PTPRG: variants seen among roughly 807,000 people sequenced by gnomAD.
PTPRG encodes receptor-type tyrosine-protein phosphatase gamma.
A neutral mutation model predicts 165.3 loss-of-function variants in PTPRG; 102 were observed. The ratio of observed to expected loss-of-function variants is 0.62; its 90% CI spans 0.53 to 0.73. PTPRG has a LOEUF of 0.73. Among genes scored for constraint, PTPRG ranks in the 30% least tolerant of loss-of-function variants. PTPRG has a pLI of 0.00. For synonymous variants in PTPRG, 675 were observed against 669.5 expected (o/e 1.01, Z -0.13); for missense variants, 1,866 against 1,861.4 (o/e 1.00, Z -0.05).
At chr3:62,231,953 T>G (rs1307943029) in intron 14 of PTPRG, among the ~76,000 whole-genome samples, 1 of 152,192 alleles carries the variant, frequency 6.6e-6, no homozygotes, top group African/African-American at 2.4e-5. Context: ...TCACCACACT[T>G]GAGTCTCTTG....
At chr3:61,610,567 A>T (rs556387450) in intron 1 of PTPRG, among the ~76,000 whole-genome samples, 1 of 152,242 alleles carries the variant, frequency 6.6e-6, no homozygotes, top group African/African-American at 2.4e-5. Flanking sequence ...ATTTGGCTGT[A>T]CTTAGGGTGA....
intron 11 of PTPRG, 48 bp downstream of exon 11, chr3:62,201,602 G>T (rs1198006920): frequency 6.3e-7 from 1 of 1,586,974 alleles, no homozygotes; most frequent in African/African-American, 1.3e-5. Flanking sequence ...TTGTTAATTT[G>T]CTTGCAGTTA....
At chr3:62,010,498 A>G (rs72624884) in intron 4 of PTPRG, among the ~76,000 whole-genome samples, 21,964 of 151,930 alleles carry the variant, frequency 0.14, 2,443 homozygotes, top group East Asian at 0.55. Flanking sequence ...CTGTTCAAAT[A>G]CATTGTTGTT....
intron 4 of PTPRG, among the ~76,000 whole-genome samples, chr3:62,069,161 G>A (rs371122352): frequency 6.6e-6 from 1 of 152,074 alleles, no homozygotes; most frequent in African/African-American, 2.4e-5. Flanking sequence ...CATATTGTAA[G>A]AGAAAAATGA....
At chr3:61,841,556 G>A (rs2036632907) in intron 2 of PTPRG, among the ~76,000 whole-genome samples, 1 of 152,182 alleles carries the variant, frequency 6.6e-6, no homozygotes, top group African/African-American at 2.4e-5. Flanking sequence ...CAAACAAGAT[G>A]TGATTAAACT....
chr3:61,779,978 G>A (rs2034498518), intron 2 of PTPRG, among the ~76,000 whole-genome samples: 1 of 152,038 alleles, frequency 6.6e-6, no homozygotes, highest in Admixed American at 6.6e-5. Context: ...ATTGTTTCCT[G>A]GGTCACCTCC....
intron 1 of PTPRG, among the ~76,000 whole-genome samples, chr3:61,585,271 AC>A (rs1469514683): frequency 7.1e-6 from 1 of 139,934 alleles, no homozygotes; most frequent in Non-Finnish European, 1.5e-5. Flanking sequence ...ACAGAGGGAG[AC>A]CCTGTCTCAA....
chr3:61,604,801 CA>C (rs565976761), intron 1 of PTPRG, among the ~76,000 whole-genome samples: 360 of 152,134 alleles, frequency 2.4e-3, no homozygotes, highest in African/African-American at 7.8e-3. Flanking sequence ...TTCATTGTGG[CA>C]AAGTAGGAGA....
At position 62,294,387 on chromosome 3, in the gene PTPRG, G is replaced by A. The variant is rs1305527152; in HGVS notation, c.*1080G>A. ...TACTTAAGATTAAATTGGAAATACT[G>A]TCTTAGCAAAAGTCTTGGGACTATC... On this transcript the variant is annotated 3_prime_UTR_variant, in exon 30 of 30. Transcript: ENST00000474889. The A allele has an allele frequency of 6.6e-6, 1 of 152,072 alleles. No homozygotes were observed. Among genetic ancestry groups the A allele is most frequent in the Non-Finnish European group, 1.5e-5 (1 of 67,996 alleles). The allele number at this position is 152,072 out of a possible 1,614,324, so 9.4% of individuals were successfully genotyped here.
chr3:62,114,693 G>A (rs1702797251), intron 5 of PTPRG, among the ~76,000 whole-genome samples: 2 of 152,112 alleles, frequency 1.3e-5, no homozygotes, highest in African/African-American at 2.4e-5. Context: ...TCTGAGGCTA[G>A]AGTGCATTTA....
At chr3:61,580,110 T>C (rs1700253745) in intron 1 of PTPRG, among the ~76,000 whole-genome samples, 1 of 152,156 alleles carries the variant, frequency 6.6e-6, no homozygotes, top group East Asian at 1.9e-4. Context: ...GTAAGGCTTG[T>C]GGTCAACAGT....
chr3:61,693,402 A>T (rs1471171342), intron 1 of PTPRG, among the ~76,000 whole-genome samples: 2 of 152,152 alleles, frequency 1.3e-5, no homozygotes, highest in African/African-American at 4.8e-5. Context: ...CTGAACTCTC[A>T]TGGTTAAATG....
At chr3:62,047,094 C>A (rs1421688816) in intron 4 of PTPRG, among the ~76,000 whole-genome samples, 1 of 152,152 alleles carries the variant, frequency 6.6e-6, no homozygotes, top group African/African-American at 2.4e-5. Context: ...TTGCAAGCTT[C>A]ATTTCAAATT....
chr3:62,247,359 A>C (rs1021039979), intron 15 of PTPRG, among the ~76,000 whole-genome samples: 1 of 152,100 alleles, frequency 6.6e-6, no homozygotes, highest in Non-Finnish European at 1.5e-5. Context: ...CAGACTCCTC[A>C]TTTGGATATT....
rs565098905 is a variant in PTPRG at position 62,244,528 on chromosome 3, C to T, written c.2467+630C>T. Among the ~76,000 whole-genome samples the T allele has an allele frequency of 2.0e-5, 3 of 152,268 alleles. No individual in the cohort carries two copies. In the East Asian group the frequency reaches 5.8e-4, roughly 29 times the overall value. ...TTCTTTGCCAGATTTTAACTTTCTA[C>T]GTCCTGGTTTCATTATGTGCTTCCA... On this transcript the variant is annotated intron_variant, in intron 15 of 29. Coordinates refer to ENST00000474889, the MANE Select transcript of PTPRG (RefSeq NM_002841.4).
intron 2 of PTPRG, among the ~76,000 whole-genome samples, chr3:61,909,885 A>T (rs1478852612): frequency 6.6e-6 from 1 of 152,210 alleles, no homozygotes; most frequent in Non-Finnish European, 1.5e-5. Flanking sequence ...AAAATCATTT[A>T]AACACTTTTT....
chr3:61,854,187 TG>T (rs2037040003), intron 2 of PTPRG, among the ~76,000 whole-genome samples: 1 of 152,192 alleles, frequency 6.6e-6, no homozygotes, highest in Non-Finnish European at 1.5e-5. Context: ...GCACAACAGA[TG>T]TACCCCCTGA....
chr3:62,262,952 G>A (rs1701744981), intron 17 of PTPRG, 58 bp downstream of exon 17: 17 of 1,335,400 alleles, frequency 1.3e-5, no homozygotes, highest in Non-Finnish European at 1.7e-5. Context: ...TTCATGCTGG[G>A]TATAAGCTGA....
At chr3:61,741,205 ATTTG>A (rs538037540) in intron 1 of PTPRG, among the ~76,000 whole-genome samples, 242 of 152,286 alleles carry the variant, frequency 1.6e-3, no homozygotes, top group Non-Finnish European at 2.6e-3. Context: ...GGGATCTTTA[ATTTG>A]TTTGTTGATG....
Sources: gnomAD v4.1 joint callset for allele counts (sites outside exome capture counted in the v4.1 genomes callset) on GRCh38, gnomAD v4.1.1 for gene constraint, MANE v1.5 for transcripts, NCBI Gene and HGNC (gene_info 2026-07-23, HGNC 2026-07-21) for gene names.